SSBP3: variants seen among roughly 807,000 people sequenced by gnomAD.
SSBP3 encodes the protein single stranded DNA binding protein 3.
In SSBP3, 5 loss-of-function variants were observed where a neutral mutation model predicts 69.6. The ratio of observed to expected loss-of-function variants is 0.07; its 90% CI spans 0.04 to 0.15. SSBP3 has a LOEUF of 0.15. Among genes scored for constraint, SSBP3 ranks in the 10% least tolerant of loss-of-function variants. The pLI is 1.00. For missense variants in SSBP3, 312 were observed against 534.0 expected (o/e 0.58, Z 4.10); for synonymous variants, 196 against 193.4 (o/e 1.01, Z -0.11).
At chr1:54,396,034 T>C (rs1648839446) in intron 4 of SSBP3, among the ~76,000 whole-genome samples, 1 of 151,326 alleles carries the variant, frequency 6.6e-6, no homozygotes, top group Admixed American at 6.6e-5. Flanking sequence ...CTACTAAAAA[T>C]ACAAAAAATT....
At chr1:54,387,321 C>G in intron 4 of SSBP3, among the ~76,000 whole-genome samples, 1 of 151,958 alleles carries the variant, frequency 6.6e-6, no homozygotes, top group East Asian at 1.9e-4. Context: ...CCAACCTCTC[C>G]TTGACAGCAA....
At chr1:54,404,435 G>T in intron 3 of SSBP3, 141 bp downstream of exon 3, 1 of 932,182 alleles carries the variant, frequency 1.1e-6, no homozygotes, top group South Asian at 1.5e-5. Flanking sequence ...AGCTGGGCCG[G>T]AGTGCCTCGA....
intron 9 of SSBP3, among the ~76,000 whole-genome samples, chr1:54,244,412 A>G (rs1644698631): frequency 6.6e-6 from 1 of 151,722 alleles, no homozygotes; most frequent in South Asian, 2.1e-4. Flanking sequence ...TGCCCAGCTA[A>G]TTTTTAAATT....
In SSBP3 at chr1:54,327,559, T is replaced by C. The variant is rs530622409; in HGVS notation, c.277-46032A>G. Among the ~76,000 whole-genome samples the C allele has an allele frequency of 6.6e-5, 10 of 152,232 alleles. No homozygotes were observed. The South Asian group carries it at 1.9e-3, about 28-fold the overall frequency. ...CATAAATAAAGCATCGCCCTGGATT[T>C]CTTTCTTTCTTTCCCTTTCTCTCTC... On this transcript the variant is annotated intron_variant, in intron 4 of 17. Transcript: ENST00000610401.
intron 14 of SSBP3, 149 bp downstream of exon 14, chr1:54,238,980 A>C: frequency 1.2e-5 from 6 of 500,956 alleles, no homozygotes; most frequent in Admixed American, 2.9e-5. Flanking sequence ...TGAGTTGCCC[A>C]AGAGTTAATC....
chr1:54,364,312 G>C (rs929566762), intron 4 of SSBP3, among the ~76,000 whole-genome samples: 2 of 152,210 alleles, frequency 1.3e-5, no homozygotes, highest in Non-Finnish European at 2.9e-5. Flanking sequence ...CTACTCTAGT[G>C]TCAAGTACAT....
At chr1:54,315,790 T>C (rs889199201) in intron 4 of SSBP3, among the ~76,000 whole-genome samples, 1 of 151,954 alleles carries the variant, frequency 6.6e-6, no homozygotes, top group Non-Finnish European at 1.5e-5. Context: ...GCCTCCTGAG[T>C]AGCTGAGACT....
chr1:54,391,768 G>A (rs898174076), intron 4 of SSBP3, among the ~76,000 whole-genome samples: 2 of 152,218 alleles, frequency 1.3e-5, no homozygotes, highest in African/African-American at 2.4e-5. Context: ...CAGGGAATTT[G>A]GGAGGCTGGG....
chr1:54,351,549 C>T (rs1220953637), intron 4 of SSBP3, among the ~76,000 whole-genome samples: 3 of 152,136 alleles, frequency 2.0e-5, no homozygotes, highest in African/African-American at 7.2e-5. Context: ...ATTGTTGAGG[C>T]CACAAATGCT....
chr1:54,264,444 A>G lies in SSBP3; in HGVS notation c.367-6295T>C, dbSNP rs537104599. ...ACCCATATTCCTCAAATCTGCCTACACCTGTCTAGAAGTCATGGGCTTGCT... is the reference window on the plus strand; with the variant it reads ...ACCCATATTCCTCAAATCTGCCTACGCCTGTCTAGAAGTCATGGGCTTGCT... On this transcript the variant is annotated intron_variant, in intron 5 of 17. Coordinates refer to ENST00000610401, the Ensembl canonical transcript of SSBP3. Among the ~76,000 whole-genome samples the G allele has an allele frequency of 4.6e-5, 7 of 152,342 alleles. No homozygotes were observed. In the East Asian group the frequency reaches 1.3e-3, roughly 29 times the overall value.
At chr1:54,395,345 G>A (rs1057062126) in intron 4 of SSBP3, among the ~76,000 whole-genome samples, 6 of 152,216 alleles carry the variant, frequency 3.9e-5, no homozygotes, top group Non-Finnish European at 8.8e-5. Flanking sequence ...ACAAGGACAT[G>A]AAGCTGAAAT....
intron 4 of SSBP3, among the ~76,000 whole-genome samples, chr1:54,380,950 C>G (rs1647584886): frequency 1.3e-5 from 2 of 151,728 alleles, no homozygotes; most frequent in African/African-American, 4.8e-5. Context: ...AGCAAGACCC[C>G]CTCTACAAAA....
At chr1:54,336,167 T>C (rs1027222869) in intron 4 of SSBP3, among the ~76,000 whole-genome samples, 6 of 152,234 alleles carry the variant, frequency 3.9e-5, no homozygotes, top group African/African-American at 1.4e-4. Flanking sequence ...TGGGCATAAC[T>C]TCTTAAACTT....
chr1:54,257,220 T>TGCCCTACTGCACAGTGACAAACACAA, intron 6 of SSBP3, 34 bp from the exon 7 acceptor site: 1 of 1,567,604 alleles, frequency 6.4e-7, no homozygotes, highest in Non-Finnish European at 8.6e-7. Flanking sequence ...AATGACAGCC[T>TGCCCTACTGCACAGTGACAAACACAA]GCCCTACTGC....
chr1:54,235,119 CA>C (rs954750385), intron 14 of SSBP3, among the ~76,000 whole-genome samples: 1 of 152,144 alleles, frequency 6.6e-6, no homozygotes, highest in African/African-American at 2.4e-5. Flanking sequence ...TACTTATAAG[CA>C]CAGGTTTTGG....
chr1:54,340,998 GC>G (rs1223554086), intron 4 of SSBP3, among the ~76,000 whole-genome samples: 1 of 152,236 alleles, frequency 6.6e-6, no homozygotes, highest in Non-Finnish European at 1.5e-5. Context: ...TTTGAGACCA[GC>G]AACTTAAGTT....
upstream of SSBP3, among the ~76,000 whole-genome samples, chr1:54,406,899 G>A (rs1367360179): frequency 6.6e-6 from 1 of 151,458 alleles, no homozygotes; most frequent in Admixed American, 6.6e-5. Context: ...TCCGCTCTTG[G>A]TTGTCCTCCC....
At chr1:54,301,753 T>C (rs12750099) in intron 4 of SSBP3, among the ~76,000 whole-genome samples, 47,231 of 151,866 alleles carry the variant, frequency 0.31, 7,586 homozygotes, top group Middle Eastern at 0.4. Flanking sequence ...CACCCACCTG[T>C]CCGGCCGCCA....
At chr1:54,261,731 T>C (rs1429123899) in intron 5 of SSBP3, among the ~76,000 whole-genome samples, 1 of 152,150 alleles carries the variant, frequency 6.6e-6, no homozygotes, top group Admixed American at 6.5e-5. Context: ...ATGCCTTCGG[T>C]TCCAGAGGCT....
Sources: allele counts gnomAD v4.1 joint callset (sites outside exome capture counted in the v4.1 genomes callset), GRCh38; gene constraint gnomAD v4.1.1; transcripts MANE v1.5; gene names NCBI Gene and HGNC (gene_info 2026-07-23, HGNC 2026-07-21).